AAMDC: variants seen among roughly 807,000 people sequenced by gnomAD.
AAMDC encodes the protein mth938 domain-containing protein.
Under a neutral mutation model 15.5 loss-of-function variants are expected in AAMDC, and 16 were observed. That is an observed-to-expected ratio of 1.03 (90% CI 0.70 to 1.57). The LOEUF (loss-of-function observed/expected upper bound fraction) is 1.57. Ranked by LOEUF, AAMDC falls within the 40% of genes most tolerant of loss-of-function variation. The probability of loss-of-function intolerance (pLI) is 0.00; values close to 1 mark genes in which losing one functional copy is unlikely to be tolerated. For missense variants in AAMDC, 141 were observed against 144.9 expected (o/e 0.97, Z 0.14); for synonymous variants, 51 against 51.6 (o/e 0.99, Z 0.05).
intron 1 of AAMDC, among the ~76,000 whole-genome samples, chr11:77,834,436 A>ATT (rs1292408194): frequency 1.8e-5 from 2 of 110,444 alleles, no homozygotes; most frequent in Non-Finnish European, 3.7e-5. Flanking sequence ...GAGAAAGTTG[A>ATT]TTTTGTTTTT....
intron 2 of AAMDC, among the ~76,000 whole-genome samples, chr11:77,849,949 A>G (rs1950305041): frequency 6.6e-6 from 1 of 152,218 alleles, no homozygotes; most frequent in African/African-American, 2.4e-5. Context: ...CACTTAGCAC[A>G]GTTCACTTGT....
Position 77,872,002 on chromosome 11 carries a change from C to G in AAMDC, c.229-173C>G, listed in dbSNP as rs149636536. ...TATTATGATACCTCTGACAAAGAGG[C>G]CTTTTTGACTCATTGGGGCTCACTG... On this transcript the variant is annotated intron_variant, in intron 3 of 3. Coordinates refer to ENST00000393427, the MANE Select transcript of AAMDC (RefSeq NM_024684.4). The G allele has an allele frequency of 3.1e-3, 1,495 of 487,848 alleles. 17 individuals are homozygous for G. Among genetic ancestry groups the G allele is most frequent in the African/African-American group, 0.025 (1,270 of 50,304 alleles). 30.2% of individuals were successfully genotyped at this position (487,848 alleles called of 1,614,324 possible). A position where few individuals can be genotyped will look rare whatever the true frequency, so the allele number is the denominator to read the frequency against.
downstream of AAMDC, among the ~76,000 whole-genome samples, chr11:77,874,588 T>C (rs1294543185): frequency 6.6e-6 from 1 of 152,158 alleles, no homozygotes; most frequent in Non-Finnish European, 1.5e-5. Flanking sequence ...GTGCACATGG[T>C]TAACGATGGA....
At chr11:77,860,238 A>G (rs2136243236) in intron 2 of AAMDC, among the ~76,000 whole-genome samples, 1 of 152,300 alleles carries the variant, frequency 6.6e-6, no homozygotes, top group South Asian at 2.1e-4. Flanking sequence ...TTTCCACCTT[A>G]CTAAATGGGT....
chr11:77,841,032 G>A (rs1218726490), intron 1 of AAMDC: 1 of 565,338 alleles, frequency 1.8e-6, no homozygotes, highest in South Asian at 2.5e-5. Context: ...TGGAGGCTGG[G>A]AAGTCCAAGA....
intron 1 of AAMDC, chr11:77,829,826 G>A (rs907043209): frequency 6.6e-6 from 1 of 152,194 alleles, no homozygotes; most frequent in Non-Finnish European, 1.5e-5. Flanking sequence ...CAGTTCAAAT[G>A]TGGGGCTTAA....
intron 2 of AAMDC, among the ~76,000 whole-genome samples, chr11:77,867,987 C>T (rs1366945144): frequency 6.6e-6 from 1 of 151,906 alleles, no homozygotes; most frequent in Non-Finnish European, 1.5e-5. Flanking sequence ...CTTTTCCCAC[C>T]TCATCTGTCA....
chr11:77,853,200 T>C (rs1169547194), intron 2 of AAMDC, among the ~76,000 whole-genome samples: 1 of 152,242 alleles, frequency 6.6e-6, no homozygotes, highest in Non-Finnish European at 1.5e-5. Flanking sequence ...ATGTTTAAAT[T>C]TGTTAGTAAA....
intron 2 of AAMDC, among the ~76,000 whole-genome samples, chr11:77,861,422 C>T (rs1783544): frequency 0.23 from 35,103 of 151,774 alleles, 4,152 homozygotes; most frequent in Middle Eastern, 0.25. Context: ...CTGAGAAGGC[C>T]GCGCCAGTGT....
chr11:77,828,422 CT>C (rs1389682543), intron 1 of AAMDC, among the ~76,000 whole-genome samples: 2 of 151,874 alleles, frequency 1.3e-5, no homozygotes, highest in African/African-American at 4.8e-5. Context: ...AATCCCAGTA[CT>C]TTGGGAGGCC....
chr11:77,847,474 A>G (rs1181673798), intron 2 of AAMDC, among the ~76,000 whole-genome samples: 1 of 152,180 alleles, frequency 6.6e-6, no homozygotes, highest in Non-Finnish European at 1.5e-5. Context: ...GCACTCATTG[A>G]TGATTGTGAC....
At chr11:77,899,542 T>C (rs1394075771) in intron 5 of AAMDC, among the ~76,000 whole-genome samples, 1 of 151,832 alleles carries the variant, frequency 6.6e-6, no homozygotes, top group Non-Finnish European at 1.5e-5. Flanking sequence ...TGGTGTTGCA[T>C]GCCTGTAATC....
intron 1 of AAMDC, among the ~76,000 whole-genome samples, chr11:77,823,599 G>C (rs1949033198): frequency 7.6e-6 from 1 of 131,828 alleles, no homozygotes; most frequent in Non-Finnish European, 1.5e-5. Context: ...TCCAGCCTGG[G>C]CGACAGAACT....
chr11:77,883,160 A>G (rs1186175200), intron 5 of AAMDC, among the ~76,000 whole-genome samples: 1 of 152,130 alleles, frequency 6.6e-6, no homozygotes, highest in Non-Finnish European at 1.5e-5. Context: ...GGCATTCCCT[A>G]TCTCTAAAAT....
intron 2 of AAMDC, among the ~76,000 whole-genome samples, chr11:77,849,072 G>A (rs1482847247): frequency 6.7e-6 from 1 of 149,044 alleles, no homozygotes; most frequent in East Asian, 2.0e-4. Context: ...GGTCTCACTT[G>A]GTCCCCCAGG....
Position 77,869,315 on chromosome 11 carries a change from T to TTTC in AAMDC, c.133-405_133-404insCTT, listed in dbSNP as rs200762330. 331 of 157,380 alleles carry TTTC rather than the reference T, an allele frequency of 2.1e-3. 4 individuals are homozygous for TTTC. The highest frequency in any genetic ancestry group is 6.7e-3 in the African/African-American group (256 of 38,160). The allele number at this position is 157,380 out of a possible 1,614,324, so 9.7% of individuals were successfully genotyped here. ...TTTCGTTTATTTATCTCTTTTTCTT[T>TTTC]TTTTTTTTTTTTTTTTAGATAGGGT... On this transcript the variant is annotated intron_variant, in intron 2 of 3. Transcript: ENST00000393427.
In AAMDC at chr11:77,833,007, ATATTTT is replaced by A. The variant is rs1949518648; in HGVS notation, c.-18-9470_-18-9465del. On this transcript the variant is annotated intron_variant, in intron 1 of 3. Coordinates refer to ENST00000393427, the MANE Select transcript of AAMDC (RefSeq NM_024684.4). ...TGTGTGTGTGTGTGTGTATATATAT[ATATTTT>A]TTTTTTTTTTTTTTTTGAGACAGGG... Among the ~76,000 whole-genome samples the A allele has an allele frequency of 7.7e-5, 4 of 51,940 alleles. 1 individual carries two copies. The highest frequency in any genetic ancestry group is 3.9e-4 in the African/African-American group (4 of 10,298). 34.1% of individuals were successfully genotyped at this position (51,940 alleles called of 152,430 possible). A position where few individuals can be genotyped will look rare whatever the true frequency, so the allele number is the denominator to read the frequency against.
At chr11:77,879,013 T>C in intron 5 of AAMDC, 1 of 1,614,160 alleles carries the variant, frequency 6.2e-7, no homozygotes, top group Non-Finnish European at 8.5e-7. Context: ...AATGGTGCCC[T>C]CGATGCTGGT....
At chr11:77,897,542 C>A (rs187265832) in intron 5 of AAMDC, among the ~76,000 whole-genome samples, 2,872 of 151,304 alleles carry the variant, frequency 0.019, 107 homozygotes, top group African/African-American at 0.065. Context: ...ACTCTGTCAC[C>A]CAGGCTGGAG....
Sources: allele counts gnomAD v4.1 joint callset (sites outside exome capture counted in the v4.1 genomes callset), GRCh38; gene constraint gnomAD v4.1.1; transcripts MANE v1.5; gene names NCBI Gene and HGNC (gene_info 2026-07-23, HGNC 2026-07-21).